AFTPH: variants seen among roughly 807,000 people sequenced by gnomAD.
AFTPH encodes the protein aftiphilin protein.
A neutral mutation model predicts 72.5 loss-of-function variants in AFTPH; 7 were observed. That is an observed-to-expected ratio of 0.10 (90% confidence interval 0.05 to 0.18). The LOEUF (loss-of-function observed/expected upper bound fraction) is 0.18, where lower values mean the gene tolerates loss of function less well. AFTPH is among the 10% of genes least tolerant of loss of function. AFTPH has a pLI of 1.00. For missense variants in AFTPH, 979 were observed against 1,060.5 expected (o/e 0.92, Z 1.07); for synonymous variants, 337 against 370.1 (o/e 0.91, Z 1.03).
In AFTPH at chr2:64,537,959, A is replaced by G. The variant is rs78160241; in HGVS notation, c.-33+13347A>G. On this transcript the variant is annotated intron_variant, in intron 1 of 8. Transcript: ENST00000238856. ...ATTGGATTTGGAGGAATTGGATGAG[A>G]TGGAAAGAATACTTTTTTATACTTT... Among the ~76,000 whole-genome samples, 1,283 of 152,288 alleles carry G rather than the reference A, an allele frequency of 8.4e-3. 7 individuals are homozygous for G. Among genetic ancestry groups the G allele is most frequent in the Non-Finnish European group, 0.011 (768 of 68,012 alleles).
chr2:64,544,630 T>G (rs1429925501), intron 1 of AFTPH, among the ~76,000 whole-genome samples: 2 of 141,020 alleles, frequency 1.4e-5, no homozygotes, highest in African/African-American at 3.0e-5. Flanking sequence ...AGCCCATATT[T>G]TATGTGTTAA....
chr2:64,583,016 A>G (rs367746685), intron 7 of AFTPH, among the ~76,000 whole-genome samples: 2 of 152,170 alleles, frequency 1.3e-5, no homozygotes, highest in African/African-American at 4.8e-5. Context: ...TTTTTGTTCA[A>G]TATTTTCATT....
At chr2:64,552,965 G>A in exon 2 of AFTPH, 1 of 1,614,118 alleles carries the variant, frequency 6.2e-7, no homozygotes, top group Non-Finnish European at 8.5e-7. Context: ...TATTAACAAA[G>A]TCAGACCTAA....
At chr2:64,540,530 A>T (rs1670179772) in intron 1 of AFTPH, among the ~76,000 whole-genome samples, 1 of 152,196 alleles carries the variant, frequency 6.6e-6, no homozygotes, top group Non-Finnish European at 1.5e-5. Context: ...TCGGTAGAAG[A>T]AAAAATTTTT....
At chr2:64,526,413 C>G (rs1383475120) in intron 1 of AFTPH, among the ~76,000 whole-genome samples, 1 of 152,088 alleles carries the variant, frequency 6.6e-6, no homozygotes, top group African/African-American at 2.4e-5. Flanking sequence ...CCAACCCTTC[C>G]CCCAAATCTC....
At chr2:64,548,148 C>G (rs1670767584) in intron 1 of AFTPH, among the ~76,000 whole-genome samples, 1 of 145,100 alleles carries the variant, frequency 6.9e-6, no homozygotes, top group Admixed American at 6.8e-5. Flanking sequence ...AATCCCAGCA[C>G]TTTGGGAGGC....
At chr2:64,574,806 T>C (rs1338179796) in intron 6 of AFTPH, among the ~76,000 whole-genome samples, 1 of 152,232 alleles carries the variant, frequency 6.6e-6, no homozygotes, top group East Asian at 1.9e-4. Context: ...ACCTTAATTT[T>C]GCTGCCCTGA....
chr2:64,561,661 C>T (rs907299467), intron 2 of AFTPH, among the ~76,000 whole-genome samples: 5 of 151,772 alleles, frequency 3.3e-5, no homozygotes, highest in East Asian at 1.9e-4. Flanking sequence ...CCTGAATGAG[C>T]GAGTGAGACC....
At chr2:64,589,178 C>T (rs1023549651) in intron 8 of AFTPH, among the ~76,000 whole-genome samples, 2 of 152,168 alleles carry the variant, frequency 1.3e-5, no homozygotes, top group Non-Finnish European at 2.9e-5. Context: ...ATAATTTCAA[C>T]TCTTACATTT....
intron 2 of AFTPH, among the ~76,000 whole-genome samples, chr2:64,565,668 A>G (rs986851392): frequency 6.6e-6 from 1 of 152,150 alleles, no homozygotes; most frequent in Non-Finnish European, 1.5e-5. Flanking sequence ...ACTGGAACAT[A>G]CCCATGCTTA....
At chr2:64,588,627 A>T (rs1396451050) in intron 8 of AFTPH, among the ~76,000 whole-genome samples, 39 of 152,174 alleles carry the variant, frequency 2.6e-4, no homozygotes, top group Admixed American at 2.6e-3. Context: ...GTTTGAAGTG[A>T]TATCTCATTG....
At chr2:64,580,592 A>G (rs1673131352) in intron 7 of AFTPH, 1 of 152,666 alleles carries the variant, frequency 6.6e-6, no homozygotes, top group African/African-American at 2.4e-5. Context: ...CTTCTTTAAA[A>G]ATGTATACTA....
intron 1 of AFTPH, among the ~76,000 whole-genome samples, chr2:64,541,276 A>G (rs546013614): frequency 4.6e-5 from 7 of 152,112 alleles, no homozygotes; most frequent in Non-Finnish European, 7.4e-5. Flanking sequence ...TATTTATTTA[A>G]CAAATGTCAT....
intron 7 of AFTPH, chr2:64,580,611 T>A (rs1216971256): frequency 6.6e-6 from 1 of 152,582 alleles, no homozygotes; most frequent in Non-Finnish European, 1.5e-5. Context: ...TATTTCTGAT[T>A]ACTGTTTCAG....
chr2:64,551,755 C>T, exon 2 of AFTPH: 4 of 1,613,656 alleles, frequency 2.5e-6, no homozygotes, highest in Non-Finnish European at 3.4e-6. Context: ...GACATCACTG[C>T]TGAACTTTCT....
At chr2:64,541,392 T>C (rs1670243898) in intron 1 of AFTPH, among the ~76,000 whole-genome samples, 1 of 152,162 alleles carries the variant, frequency 6.6e-6, no homozygotes, top group African/African-American at 2.4e-5. Context: ...GCTCTGCCTG[T>C]ATTAATTTCT....
chr2:64,543,636 C>A (rs1670389569), intron 1 of AFTPH, among the ~76,000 whole-genome samples: 1 of 152,206 alleles, frequency 6.6e-6, no homozygotes, highest in Admixed American at 6.5e-5. Context: ...TCTATCCTTT[C>A]CCCACCACAC....
At chr2:64,545,210 A>T (rs1670501087) in intron 1 of AFTPH, among the ~76,000 whole-genome samples, 1 of 152,150 alleles carries the variant, frequency 6.6e-6, no homozygotes, top group African/African-American at 2.4e-5. Flanking sequence ...GTAAGGTATT[A>T]TGAGCATGTA....
intron 1 of AFTPH, among the ~76,000 whole-genome samples, chr2:64,540,150 A>G (rs1670146244): frequency 6.6e-6 from 1 of 152,114 alleles, no homozygotes; most frequent in East Asian, 1.9e-4. Flanking sequence ...TTCAGATTCT[A>G]TTTTCATTGC....
Sources: gnomAD v4.1 joint callset for allele counts (sites outside exome capture counted in the v4.1 genomes callset) on GRCh38, gnomAD v4.1.1 for gene constraint, MANE v1.5 for transcripts, NCBI Gene and HGNC (gene_info 2026-07-23, HGNC 2026-07-21) for gene names.